Variants in SHISA5 observed in about 807,000 individuals in gnomAD.
SHISA5 encodes shisa family member 5, also known as protein shisa-5.
SHISA5 carries 21 observed loss-of-function variants against 27.5 expected under a neutral mutation model. That is an observed-to-expected ratio of 0.76 (90% CI 0.54 to 1.10). The LOEUF (loss-of-function observed/expected upper bound fraction) is 1.10. SHISA5 is among the 50% of genes least tolerant of loss of function. The probability of loss-of-function intolerance (pLI) is 0.00; values close to 1 mark genes in which losing one functional copy is unlikely to be tolerated. For synonymous variants in SHISA5, 137 were observed against 142.2 expected (o/e 0.96, Z 0.26); for missense variants, 314 against 336.3 (o/e 0.93, Z 0.52).
chr3:48,483,909 G>C (rs1291867339), intron 2 of SHISA5, among the ~76,000 whole-genome samples: 1 of 152,168 alleles, frequency 6.6e-6, no homozygotes, highest in Non-Finnish European at 1.5e-5. Context: ...TAGACATAAG[G>C]TCTCACTATA....
chr3:48,495,329 C>T (rs2041512096), intron 2 of SHISA5, among the ~76,000 whole-genome samples: 1 of 119,680 alleles, frequency 8.4e-6, no homozygotes, highest in African/African-American at 3.9e-5. Flanking sequence ...TTTTACGACG[C>T]TTTTTTTTTT....
chr3:48,481,609 C>T (rs892378293), intron 2 of SHISA5, among the ~76,000 whole-genome samples: 6 of 147,928 alleles, frequency 4.1e-5, no homozygotes, highest in South Asian at 2.2e-4. Context: ...GCCAACGTGG[C>T]GAAACCCCAT....
chr3:48,483,078 TC>T (rs902495113), intron 2 of SHISA5, among the ~76,000 whole-genome samples: 1 of 150,096 alleles, frequency 6.7e-6, no homozygotes, highest in African/African-American at 2.5e-5. Flanking sequence ...GCACATGCCA[TC>T]CCACCTAGCT....
chr3:48,473,309 C>T lies in SHISA5; in HGVS notation c.315-3466G>A. On this transcript the variant is annotated intron_variant, in intron 3 of 5. Transcript: ENST00000296444. The surrounding 1 kb of genome is among the most constrained non-coding windows in gnomAD (Gnocchi z 4.3). ...CCCAGAGCTGCCTCCCTGAGCCAAG[C>T]CTACAGGGCCTGACCTCAGAATGCA... is the stretch of plus-strand genomic sequence containing the variant. 4 of 1,379,476 alleles carry T rather than the reference C, an allele frequency of 2.9e-6. No individual in the cohort carries two copies. The highest frequency in any genetic ancestry group is 2.8e-6 in the Non-Finnish European group (3 of 1,055,482). 85.5% of individuals were successfully genotyped at this position (1,379,476 alleles called of 1,614,324 possible). A position where few individuals can be genotyped will look rare whatever the true frequency, so the allele number is the denominator to read the frequency against.
rs375027466 is a variant in SHISA5, at chr3:48,501,246, C to T, written c.124G>A (p.Glu42Lys). 55 of 1,614,018 alleles carry T rather than the reference C, an allele frequency of 3.4e-5. No homozygotes were observed. The highest frequency in any genetic ancestry group is 1.6e-4 in the Middle Eastern group (1 of 6,082). ...CCACAGCAGAAATCTGGACAGGACTCGGGGAAGAGGCTGAGTCCACGGGAA... is the reference window on the plus strand; with the variant it reads ...CCACAGCAGAAATCTGGACAGGACTTGGGGAAGAGGCTGAGTCCACGGGAA... ...MASRGLSLFP[E>K]SCPDFCCGTC... Residue 42 changes from glutamate (E) to lysine (K), a missense_variant, in exon 2 of 6, where the codon GAG (glutamate) becomes AAG (lysine). Coordinates refer to ENST00000296444, the MANE Select transcript of SHISA5 (RefSeq NM_016479.6).
At chr3:48,499,552 C>A (rs146511289) in intron 2 of SHISA5, among the ~76,000 whole-genome samples, 1,918 of 150,088 alleles carry the variant, frequency 0.013, 30 homozygotes, top group African/African-American at 0.044. Flanking sequence ...TGGTGGCGGG[C>A]GCCTGTAGTT....
chr3:48,491,238 C>T (rs542886874), intron 2 of SHISA5, among the ~76,000 whole-genome samples: 3 of 151,990 alleles, frequency 2.0e-5, no homozygotes, highest in Non-Finnish European at 4.4e-5. Context: ...CCTGCCTCAG[C>T]CTCCCGAGTA....
chr3:48,496,280 C>A (rs13323883), intron 2 of SHISA5, among the ~76,000 whole-genome samples: 1 of 129,444 alleles, frequency 7.7e-6, no homozygotes, highest in African/African-American at 2.9e-5. Context: ...CAACAGAGTG[C>A]GACTCCGTCA....
chr3:48,469,088 C>G lies in SHISA5; in HGVS notation c.*19G>C. On this transcript the variant is annotated 3_prime_UTR_variant, in exon 6 of 6. Coordinates refer to ENST00000296444, the MANE Select transcript of SHISA5 (RefSeq NM_016479.6). This position sits in a 1 kb window ranked among gnomAD's most constrained non-coding sequence, Gnocchi z 4.6. ...ACACACAACATAACCAAGTGGCAGCCAGAGAGGCCAGGGAATGCTCAGAGG... is the reference window on the plus strand; with the variant it reads ...ACACACAACATAACCAAGTGGCAGCGAGAGAGGCCAGGGAATGCTCAGAGG... The G allele has an allele frequency of 1.2e-6, 2 of 1,612,670 alleles. No homozygotes were observed. Among genetic ancestry groups the G allele is most frequent in the Non-Finnish European group, 1.7e-6 (2 of 1,179,996 alleles).
chr3:48,473,191 C>G lies in SHISA5; in HGVS notation c.315-3348G>C. 1 of 1,434,150 alleles carries G rather than the reference C, an allele frequency of 7.0e-7. No individual in the cohort carries two copies. The highest frequency in any genetic ancestry group is 1.5e-5 in the South Asian group (1 of 68,004). 88.8% of individuals were successfully genotyped at this position (1,434,150 alleles called of 1,614,324 possible). ...AAGCCCCGTTCCACCCTCTTAAAGA[C>G]ACAGGATGGCCCCGCCCAGCAGCCG... On this transcript the variant is annotated intron_variant, in intron 3 of 5. Coordinates refer to ENST00000296444, the MANE Select transcript of SHISA5 (RefSeq NM_016479.6). This position sits in a 1 kb window ranked among gnomAD's most constrained non-coding sequence, Gnocchi z 4.3.
rs191296294 is a variant in SHISA5 at position 48,483,260 on chromosome 3, G to C, written c.234-4003C>G. Reference sequence around the variant, plus strand: ...GCCTTCAGCAGTGTTTGTGTCCCTGGGTACTTGAGATTAGGGAGTGGTGAT... The same window carrying C: ...GCCTTCAGCAGTGTTTGTGTCCCTGCGTACTTGAGATTAGGGAGTGGTGAT... On this transcript the variant is annotated intron_variant, in intron 2 of 5. Transcript: ENST00000296444. Among the ~76,000 whole-genome samples, 18 of 152,076 alleles carry C rather than the reference G, an allele frequency of 1.2e-4. No individual in the cohort carries two copies. The East Asian group carries it at 3.1e-3, about 26-fold the overall frequency.
chr3:48,484,566 G>C (rs1343868382), intron 2 of SHISA5, among the ~76,000 whole-genome samples: 1 of 149,600 alleles, frequency 6.7e-6, no homozygotes, highest in East Asian at 2.0e-4. Context: ...ACTCCAGCCT[G>C]GGCGACAGAG....
chr3:48,491,544 C>T (rs1161537100), intron 2 of SHISA5, among the ~76,000 whole-genome samples: 8 of 152,066 alleles, frequency 5.3e-5, no homozygotes, highest in Non-Finnish European at 8.8e-5. Context: ...GTTTCACGGG[C>T]GATGGTCACT....
intron 1 of SHISA5, among the ~76,000 whole-genome samples, 199 bp from the exon 2 acceptor site, chr3:48,501,492 G>A (rs140172566): frequency 4.6e-5 from 7 of 152,252 alleles, no homozygotes; most frequent in African/African-American, 1.7e-4. Context: ...GGCCACAACA[G>A]AGCTGCCCTA....
At position 48,469,175 on chromosome 3, in the gene SHISA5, C is replaced by T. The variant is rs201303918; in HGVS notation, c.655G>A (p.Ala219Thr). 1.0e-4 allele frequency: 164 copies of T among 1,612,182 alleles called. No individual in the cohort carries two copies. Among genetic ancestry groups the T allele is most frequent in the Non-Finnish European group, 1.3e-4 (156 of 1,179,896 alleles). Reference sequence around the variant, plus strand: ...GGAGGCTGGCTGGCGGGGTAGGGCGCGGCTGCTCCTCCTGAAAGCAGAGAG... The same window carrying T: ...GGAGGCTGGCTGGCGGGGTAGGGCGTGGCTGCTCCTCCTGAAAGCAGAGAG... ...YHETLAGGAA[A>T]PYPASQPPYN... The change falls in exon 6 of 6, where the codon GCG becomes ACG. Residue 219 changes from alanine to threonine, a missense_variant. Ala to Thr is a moderately conservative substitution (Grantham distance 58). Coordinates refer to ENST00000296444, the MANE Select transcript of SHISA5 (RefSeq NM_016479.6). This position sits in a 1 kb window ranked among gnomAD's most constrained non-coding sequence, Gnocchi z 4.6.
rs550428822 is a variant in SHISA5 at position 48,482,402 on chromosome 3, C to T, written c.234-3145G>A. On this transcript the variant is annotated intron_variant, in intron 2 of 5. Transcript: ENST00000296444. ...CCTGGGCGACAGACTGAGACCCTGT[C>T]TCGAAAACAATAAATAAATAAAATA... Among the ~76,000 whole-genome samples the T allele has an allele frequency of 1.2e-4, 19 of 152,046 alleles. No homozygotes were observed. In the South Asian group the frequency reaches 3.9e-3, roughly 32 times the overall value.
At chr3:48,488,480 G>A (rs1159492312) in intron 2 of SHISA5, among the ~76,000 whole-genome samples, 1 of 149,616 alleles carries the variant, frequency 6.7e-6, no homozygotes, top group East Asian at 2.0e-4. Flanking sequence ...GCCTACCTTG[G>A]CCTCCCAAAG....
chr3:48,481,082 C>G (rs747357660), intron 2 of SHISA5, among the ~76,000 whole-genome samples: 1 of 151,480 alleles, frequency 6.6e-6, no homozygotes, highest in African/African-American at 2.4e-5. Flanking sequence ...GCGACAAGAG[C>G]GAGACTCCAT....
Position 48,469,125 on chromosome 3 carries a change from G to C in SHISA5, c.705C>G (p.Ala235=), listed in dbSNP as rs1225723638. ...GGAATGCTCAGAGGGCCGCCTTCGG[G>C]GCATCCATGTAGGCCGGGTTGTAAG... ...QPPYNPAYMD[A]PKAAL Residue 235 remains alanine (A), a synonymous_variant, in exon 6 of 6, where the codon GCC becomes GCG. Coordinates refer to ENST00000296444, the MANE Select transcript of SHISA5 (RefSeq NM_016479.6). This position sits in a 1 kb window ranked among gnomAD's most constrained non-coding sequence, Gnocchi z 4.6. 6.2e-7 allele frequency: 1 copy of C among 1,613,082 alleles called. No individual in the cohort carries two copies. Among genetic ancestry groups the C allele is most frequent in the South Asian group, 1.1e-5 (1 of 91,088 alleles).
Sources: allele counts gnomAD v4.1 joint callset (sites outside exome capture counted in the v4.1 genomes callset), GRCh38; gene constraint gnomAD v4.1.1; non-coding constraint Gnocchi (gnomAD v3.1); transcripts MANE v1.5; gene names NCBI Gene and HGNC (gene_info 2026-07-23, HGNC 2026-07-21).